The following SCN11A variants were observed in gnomAD, a reference collection of about 807,000 sequenced individuals.
SCN11A encodes the protein sodium channel protein type 11 subunit alpha.
In SCN11A, 122 loss-of-function variants were observed where a neutral mutation model predicts 162.2. The observed-to-expected ratio is 0.75, with a 90% confidence interval of 0.65 to 0.87. The LOEUF is 0.87. SCN11A is among the 40% of genes least tolerant of loss of function. SCN11A has a pLI of 0.00. For synonymous variants in SCN11A, 758 were observed against 751.5 expected (o/e 1.01, Z -0.14); for missense variants, 2,015 against 2,181.6 (o/e 0.92, Z 1.52).
intron 2 of SCN11A, among the ~76,000 whole-genome samples, chr3:38,974,738 GCCT>G (rs2066838741): frequency 7.3e-6 from 1 of 137,548 alleles, no homozygotes; most frequent in Non-Finnish European, 1.6e-5. Context: ...AGAAAAGAAG[GCCT>G]AATTCAAGTC....
At chr3:38,976,988 T>C (rs2066853691) in intron 2 of SCN11A, among the ~76,000 whole-genome samples, 1 of 152,242 alleles carries the variant, frequency 6.6e-6, no homozygotes, top group East Asian at 1.9e-4. Context: ...TATCAAATAC[T>C]GCACAGAGTG....
At chr3:38,975,307 A>G (rs1449620764) in intron 2 of SCN11A, among the ~76,000 whole-genome samples, 1 of 152,154 alleles carries the variant, frequency 6.6e-6, no homozygotes, top group Admixed American at 6.5e-5. Context: ...GTAGGTGGAT[A>G]TGAATAGGAG....
At chr3:38,974,709 A>AAAAAAAAAAAAAAAAAAAAAG (rs1553647127) in intron 2 of SCN11A, among the ~76,000 whole-genome samples, 7 of 130,372 alleles carry the variant, frequency 5.4e-5, no homozygotes, top group Admixed American at 8.5e-5. Flanking sequence ...AAAAAAAAAA[A>AAAAAAAAAAAAAAAAAAAAAG]AAAAGAAAAG....
intron 2 of SCN11A, among the ~76,000 whole-genome samples, chr3:38,973,147 T>C (rs541986759): frequency 1.3e-5 from 2 of 152,320 alleles, no homozygotes; most frequent in Non-Finnish European, 2.9e-5. Context: ...GTAGCATAGG[T>C]GTAAGTTTGA....
chr3:39,049,934 G>T (rs1047852665), intron 1 of SCN11A, among the ~76,000 whole-genome samples: 2 of 152,128 alleles, frequency 1.3e-5, no homozygotes, highest in Non-Finnish European at 2.9e-5. Flanking sequence ...CCCACTGAAA[G>T]AACTTCACTA....
At chr3:38,883,134 TG>T in intron 22 of SCN11A, 98 bp downstream of exon 22, 1 of 1,050,664 alleles carries the variant, frequency 9.5e-7, no homozygotes, top group Non-Finnish European at 1.4e-6. Flanking sequence ...CACTTCTGTC[TG>T]GTCTCCCATA....
chr3:39,032,673 T>A, intron 1 of SCN11A, among the ~76,000 whole-genome samples, 170 bp from the exon 2 acceptor site: 1 of 152,220 alleles, frequency 6.6e-6, no homozygotes, highest in East Asian at 1.9e-4. Context: ...GACAGTTGAC[T>A]CTAGGAAATT....
At chr3:38,849,722 GATGTGTGT>G in intron 29 of SCN11A, 1 of 152,290 alleles carries the variant, frequency 6.6e-6, no homozygotes, top group Admixed American at 6.5e-5. Flanking sequence ...TTTTAAAGTT[GATGTGTGT>G]ATGTGTGTGT....
intron 6 of SCN11A, among the ~76,000 whole-genome samples, chr3:38,946,458 G>A (rs1359816804): frequency 6.6e-6 from 1 of 152,138 alleles, no homozygotes; most frequent in Non-Finnish European, 1.5e-5. Context: ...CAACTCTTTA[G>A]GTGTCAGCTT....
intron 2 of SCN11A, among the ~76,000 whole-genome samples, chr3:39,028,944 G>A (rs1477949155): frequency 6.6e-6 from 1 of 152,176 alleles, no homozygotes; most frequent in Non-Finnish European, 1.5e-5. Context: ...ATTGCAACAT[G>A]AGTTTTATAG....
At chr3:38,906,527 G>A (rs1163367866) in intron 14 of SCN11A, among the ~76,000 whole-genome samples, 1 of 152,006 alleles carries the variant, frequency 6.6e-6, no homozygotes, top group Non-Finnish European at 1.5e-5. Flanking sequence ...TAATCATGTC[G>A]GAAACCAGGT....
chr3:38,987,297 T>TCACACACA (rs1395412357), intron 2 of SCN11A, among the ~76,000 whole-genome samples: 11 of 117,128 alleles, frequency 9.4e-5, no homozygotes, highest in African/African-American at 3.2e-4. Flanking sequence ...TCTCTCTCTC[T>TCACACACA]CTCTCTCACA....
Position 39,027,637 on chromosome 3 carries a change from T to C in SCN11A, c.-280+4743A>G, listed in dbSNP as rs192736104. On this transcript the variant is annotated intron_variant, in intron 2 of 29. Transcript: ENST00000302328. Reference sequence around the variant, plus strand: ...ATCACTGCCCCTATCCCTTAAAACATCTCACAAACCCGACTGGGGAGGCTG... The same window carrying C: ...ATCACTGCCCCTATCCCTTAAAACACCTCACAAACCCGACTGGGGAGGCTG... Among the ~76,000 whole-genome samples, 468 of 152,276 alleles carry C rather than the reference T, an allele frequency of 3.1e-3. 2 individuals are homozygous for C. Among genetic ancestry groups the C allele is most frequent in the African/African-American group, 0.01 (430 of 41,554 alleles).
intron 2 of SCN11A, among the ~76,000 whole-genome samples, chr3:38,979,168 G>A (rs1442364731): frequency 6.6e-6 from 1 of 152,208 alleles, no homozygotes; most frequent in Non-Finnish European, 1.5e-5. Flanking sequence ...CCAGAATTTA[G>A]CATGGTGCCT....
intron 26 of SCN11A, among the ~76,000 whole-genome samples, chr3:38,869,084 G>A (rs985490221): frequency 1.4e-4 from 22 of 152,116 alleles, no homozygotes; most frequent in African/African-American, 4.6e-4. Context: ...GCAGAGTGCT[G>A]GGTGACTATA....
At chr3:38,948,052 G>A (rs775446544) in intron 5 of SCN11A, among the ~76,000 whole-genome samples, 4 of 152,206 alleles carry the variant, frequency 2.6e-5, no homozygotes, top group Non-Finnish European at 4.4e-5. Context: ...TGAGCTGCTG[G>A]GATTGACTGG....
chr3:38,985,181 G>A (rs1262544837), intron 2 of SCN11A, among the ~76,000 whole-genome samples: 2 of 144,718 alleles, frequency 1.4e-5, no homozygotes, highest in Non-Finnish European at 3.0e-5. Context: ...AGGCTGGAGT[G>A]CAGTGGCGCA....
intron 27 of SCN11A, among the ~76,000 whole-genome samples, chr3:38,864,750 G>C (rs1296571632): frequency 2.0e-5 from 3 of 152,150 alleles, no homozygotes; most frequent in African/African-American, 7.2e-5. Context: ...AACTAGGGCA[G>C]GAAGGGTACA....
intron 1 of SCN11A, among the ~76,000 whole-genome samples, chr3:39,047,625 T>A (rs2032215412): frequency 6.6e-6 from 1 of 152,092 alleles, no homozygotes; most frequent in Non-Finnish European, 1.5e-5. Flanking sequence ...TGCAAAGTAT[T>A]CATCCAACAA....
Sources: gnomAD v4.1 joint callset for allele counts (sites outside exome capture counted in the v4.1 genomes callset) on GRCh38, gnomAD v4.1.1 for gene constraint, MANE v1.5 for transcripts, NCBI Gene and HGNC (gene_info 2026-07-23, HGNC 2026-07-21) for gene names.